The following NPHS2 variants were observed in gnomAD, a reference collection of about 807,000 sequenced individuals.
NPHS2 encodes the protein podocin.
Under a neutral mutation model 37.1 loss-of-function variants are expected in NPHS2, and 36 were observed. That is an observed-to-expected ratio of 0.97 (90% CI 0.74 to 1.28). NPHS2 has a LOEUF of 1.28. Among genes scored for constraint, NPHS2 ranks in the 50% most tolerant of loss-of-function variants. The probability of loss-of-function intolerance (pLI) is 0.00; values close to 1 mark genes in which losing one functional copy is unlikely to be tolerated. For missense variants in NPHS2, 447 were observed against 488.1 expected (o/e 0.92, Z 0.79); for synonymous variants, 196 against 189.3 (o/e 1.04, Z -0.29).
chr1:179,575,690 C>G lies in NPHS2; in HGVS notation c.175G>C (p.Ala59Pro), dbSNP rs756699855. The G allele has an allele frequency of 9.4e-6, 15 of 1,590,446 alleles. No individual in the cohort carries two copies. The highest frequency in any genetic ancestry group is 7.7e-6 in the Non-Finnish European group (9 of 1,174,012). Residue 59 changes from alanine to proline, a missense_variant, in exon 1 of 8, where the codon GCG becomes CCG. Transcript: ENST00000367615. ...GRAGTPGEPR[A>P]PAATVVDVDE... ...ACGTCCACCACCGTGGCGGCGGGCG[C>G]TCGGGGCTCCCCCGGGGTCCCCGCC...
rs1461261414 is a variant in NPHS2 at position 179,556,669 on chromosome 1, G to A, written c.738+358C>T. On this transcript the variant is annotated intron_variant, in intron 5 of 7. Transcript: ENST00000367615. The surrounding 1 kb of genome is among the most constrained non-coding windows in gnomAD (Gnocchi z 4.1). ...TCCCCAGGTAGACAGTAAGCTCCTG[G>A]GAACCATGCTTTATCATCTTTGTGT... Among the ~76,000 whole-genome samples, 3 of 152,050 alleles carry A rather than the reference G, an allele frequency of 2.0e-5. No homozygotes were observed. The highest frequency in any genetic ancestry group is 6.5e-5 in the Admixed American group (1 of 15,274).
At chr1:179,552,479 G>T in intron 7 of NPHS2, 124 bp downstream of exon 7, 1 of 760,488 alleles carries the variant, frequency 1.3e-6, no homozygotes, top group Non-Finnish European at 2.3e-6. Context: ...TAATAGAGTT[G>T]TAAGGGCCCA....
chr1:179,554,555 T>G, intron 5 of NPHS2, 24 bp from the exon 6 acceptor site: 1 of 1,614,170 alleles, frequency 6.2e-7, no homozygotes, highest in Non-Finnish European at 8.5e-7. Context: ...AATTCAGATG[T>G]CAGTGGGAGC....
chr1:179,554,638 A>T (rs1673806028), intron 5 of NPHS2, 107 bp from the exon 6 acceptor site: 1 of 1,482,080 alleles, frequency 6.7e-7, no homozygotes, highest in Non-Finnish European at 9.4e-7. Context: ...ATTCCCTTTG[A>T]AAGGACATTA....
intron 3 of NPHS2, among the ~76,000 whole-genome samples, chr1:179,560,737 C>T (rs1448433605): frequency 6.6e-6 from 1 of 152,100 alleles, no homozygotes; most frequent in Admixed American, 6.6e-5. Context: ...CTATCTGTCT[C>T]CCATAATGAG....
At position 179,575,708 on chromosome 1, in the gene NPHS2, TC is replaced by T. The variant is rs1272948499; in HGVS notation, c.156del (p.Thr53ProfsTer46). The T allele has an allele frequency of 1.2e-5, 18 of 1,559,694 alleles. No homozygotes were observed. Among genetic ancestry groups the T allele is most frequent in the Non-Finnish European group, 1.5e-5 (17 of 1,158,794 alleles). The stretch of plus-strand genomic sequence containing the variant: ...GCGGGCGCTCGGGGCTCCCCCGGGG[TC>T]CCCGCCCGTCCGGAGCCCGACGGCT... The part of the protein sequence containing the change: ...GPEPSGSGRA[G>X]TPGEPRAPAA... On this transcript the variant is annotated frameshift_variant, in exon 1 of 8. Coordinates refer to ENST00000367615, the MANE Select transcript of NPHS2 (RefSeq NM_014625.4). LOFTEE classifies it high-confidence loss of function.
At chr1:179,566,324 ATGAG>A (rs1260206755) in intron 1 of NPHS2, among the ~76,000 whole-genome samples, 3 of 152,202 alleles carry the variant, frequency 2.0e-5, no homozygotes, top group Non-Finnish European at 4.4e-5. Flanking sequence ...ACCAGTGATG[ATGAG>A]TATTTTTTCA....
intron 5 of NPHS2, 190 bp from the exon 6 acceptor site, chr1:179,554,721 A>C (rs1673813943): frequency 1.4e-6 from 1 of 709,536 alleles, no homozygotes; most frequent in Admixed American, 2.3e-5. Flanking sequence ...CCCAATAAAT[A>C]TCTGTGCAAT....
Position 179,556,963 on chromosome 1 carries a change from C to A in NPHS2, c.738+64G>T. On this transcript the variant is annotated intron_variant, in intron 5 of 7. Coordinates refer to ENST00000367615, the MANE Select transcript of NPHS2 (RefSeq NM_014625.4). The surrounding 1 kb of genome is among the most constrained non-coding windows in gnomAD (Gnocchi z 4.1). ...TGGCCATAGAAGATTTAATAAATGT[C>A]CAATGAACAAATGAATAAAAGATAA... 1 of 1,416,396 alleles carries A rather than the reference C, an allele frequency of 7.1e-7. No homozygotes were observed. The highest frequency in any genetic ancestry group is 9.8e-7 in the Non-Finnish European group (1 of 1,022,510). 87.7% of individuals were successfully genotyped at this position (1,416,396 alleles called of 1,614,324 possible).
Position 179,559,763 on chromosome 1 carries a change from TA to T in NPHS2, c.452-3del, listed in dbSNP as rs751871670. The T allele has an allele frequency of 3.2e-6, 5 of 1,569,922 alleles. No homozygotes were observed. The highest frequency in any genetic ancestry group is 3.5e-6 in the Non-Finnish European group (4 of 1,152,440). On this transcript the variant is annotated splice_polypyrimidine_tract_variant and splice_region_variant and intron_variant, in intron 3 of 7. Transcript: ENST00000367615. The stretch of plus-strand genomic sequence containing the variant: ...GGCAGGGCAAAAAAAAGAAAAGACC[TA>T]AAAGAGAGGAGGAGGAAGTGACAGA...
At chr1:179,557,981 C>G (rs911071044) in intron 4 of NPHS2, among the ~76,000 whole-genome samples, 3 of 152,018 alleles carry the variant, frequency 2.0e-5, no homozygotes, top group African/African-American at 7.2e-5. Flanking sequence ...ACTGAAAAAT[C>G]TGAAAGGATA....
rs1050422502 is a variant in NPHS2, at chr1:179,575,447, T to TA, written c.274+143dup. The TA allele has an allele frequency of 3.1e-5, 35 of 1,111,460 alleles. No homozygotes were observed. The African/African-American group carries it at 3.2e-4, about 10-fold the overall frequency. 68.8% of individuals were successfully genotyped at this position (1,111,460 alleles called of 1,614,324 possible). ...ATAGCAGGTTGCTGGGTTCCTAACT[T>TA]ACGCCCTTCCGTTCCTGGGAACCTG... On this transcript the variant is annotated intron_variant, in intron 1 of 7. Coordinates refer to ENST00000367615, the MANE Select transcript of NPHS2 (RefSeq NM_014625.4).
intron 2 of NPHS2, among the ~76,000 whole-genome samples, chr1:179,563,237 A>C (rs1357382712): frequency 6.6e-6 from 1 of 152,266 alleles, no homozygotes; most frequent in Admixed American, 6.5e-5. Flanking sequence ...AAAGTGGGAC[A>C]TTGTATAATG....
In NPHS2 at chr1:179,561,274, A is replaced by G. The variant is rs762248387; in HGVS notation, c.451+15T>C. ...CAGGAGAGAGGTGTTTAGAAAAAAAAGAGTGTTTTTTTACCAGGGCCTTTG... is the reference window on the plus strand; with the variant it reads ...CAGGAGAGAGGTGTTTAGAAAAAAAGGAGTGTTTTTTTACCAGGGCCTTTG... On this transcript the variant is annotated intron_variant, in intron 3 of 7. Coordinates refer to ENST00000367615, the MANE Select transcript of NPHS2 (RefSeq NM_014625.4). 14 of 1,601,096 alleles carry G rather than the reference A, an allele frequency of 8.7e-6. No homozygotes were observed. Among genetic ancestry groups the G allele is most frequent in the Non-Finnish European group, 1.1e-5 (13 of 1,168,088 alleles).
intron 5 of NPHS2, 127 bp from the exon 6 acceptor site, chr1:179,554,658 TG>T (rs2125781151): frequency 7.6e-7 from 1 of 1,312,404 alleles, no homozygotes; most frequent in East Asian, 2.3e-5. Flanking sequence ...ATTTGCCTGT[TG>T]TATTTAACTT....
At chr1:179,552,871 A>G (rs1275165110) in intron 6 of NPHS2, among the ~76,000 whole-genome samples, 190 bp from the exon 7 acceptor site, 9 of 152,212 alleles carry the variant, frequency 5.9e-5, no homozygotes, top group Admixed American at 5.2e-4. Context: ...CCTCAAATGC[A>G]GTTTTGTATT....
Position 179,559,730 on chromosome 1 carries a change from G to C in NPHS2, c.483C>G (p.Thr161=), listed in dbSNP as rs754520138. Residue 161 remains threonine, a synonymous_variant, in exon 4 of 8, where the codon ACC becomes ACG. Coordinates refer to ENST00000367615, the MANE Select transcript of NPHS2 (RefSeq NM_014625.4). ...GLFFFLPCLD[T]YHKVDLRLQT... is the part of the protein sequence containing the mutation. ...GGAGACGAAGGTCAACCTTGTGGTAGGTATCCAGGCAGGGCAAAAAAAAGA... is the reference window on the plus strand; with the variant it reads ...GGAGACGAAGGTCAACCTTGTGGTACGTATCCAGGCAGGGCAAAAAAAAGA... 1.4e-5 allele frequency: 22 copies of C among 1,591,466 alleles called. No homozygotes were observed. In the East Asian group the frequency reaches 4.3e-4, roughly 31 times the overall value.
chr1:179,554,294 C>A (rs1487644183), intron 6 of NPHS2, among the ~76,000 whole-genome samples, 182 bp downstream of exon 6: 2 of 151,976 alleles, frequency 1.3e-5, no homozygotes, highest in African/African-American at 4.8e-5. Context: ...GTAATTTGTC[C>A]AAATGTTATA....
chr1:179,573,817 T>C (rs1674655060), intron 1 of NPHS2, among the ~76,000 whole-genome samples: 1 of 152,200 alleles, frequency 6.6e-6, no homozygotes, highest in African/African-American at 2.4e-5. Flanking sequence ...TCCTCAAACC[T>C]AACGTGAAGA....
Sources: gnomAD v4.1 joint callset for allele counts (sites outside exome capture counted in the v4.1 genomes callset) on GRCh38, gnomAD v4.1.1 for gene constraint, Gnocchi (gnomAD v3.1) non-coding constraint, MANE v1.5 for transcripts, NCBI Gene and HGNC (gene_info 2026-07-23, HGNC 2026-07-21) for gene names.